TAFA1: variants seen among roughly 807,000 people sequenced by gnomAD.
TAFA1 encodes chemokine-like protein TAFA-1.
In TAFA1, 4 loss-of-function variants were observed where a neutral mutation model predicts 18.5. That is an observed-to-expected ratio of 0.22 (90% confidence interval 0.11 to 0.49). The LOEUF is 0.49. Among genes scored for constraint, TAFA1 ranks in the 20% least tolerant of loss-of-function variants. The pLI, the probability that TAFA1 is intolerant of heterozygous loss-of-function variation, is 0.98. For synonymous variants in TAFA1, 56 were observed against 55.2 expected, an observed-to-expected ratio of 1.01 and a Z score of -0.06; for missense variants, 147 against 169.0, an observed-to-expected ratio of 0.87 and a Z score of 0.72.
At chr3:68,265,716 G>A (rs773997691) in intron 2 of TAFA1, among the ~76,000 whole-genome samples, 3 of 152,112 alleles carry the variant, frequency 2.0e-5, no homozygotes, top group African/African-American at 4.8e-5. Context: ...CAGAACTGGC[G>A]CAAGATACTC....
intron 2 of TAFA1, among the ~76,000 whole-genome samples, chr3:68,161,936 C>T (rs1012828332): frequency 8.5e-5 from 13 of 152,134 alleles, no homozygotes; most frequent in Non-Finnish European, 1.8e-4. Flanking sequence ...TTTTTTGAAA[C>T]ACAGCCATGC....
intron 2 of TAFA1, among the ~76,000 whole-genome samples, chr3:68,133,718 G>A (rs1191271045): frequency 1.3e-5 from 2 of 151,978 alleles, no homozygotes; most frequent in African/African-American, 2.4e-5. Context: ...CATTGATTTT[G>A]TATCCAAACC....
At position 68,011,853 on chromosome 3, in the gene TAFA1, A is replaced by G. The variant is rs141707007; in HGVS notation, c.118+5109A>G. ...AGCTATTGATATTTGATCAGACCCTATAATATCAAAGCCAAATACAGATGC... is the reference window on the plus strand; with the variant it reads ...AGCTATTGATATTTGATCAGACCCTGTAATATCAAAGCCAAATACAGATGC... On this transcript the variant is annotated intron_variant, in intron 2 of 4. Transcript: ENST00000478136. Among the ~76,000 whole-genome samples, 1,291 of 152,338 alleles carry G rather than the reference A, an allele frequency of 8.5e-3. 21 individuals are homozygous for G. Among genetic ancestry groups the G allele is most frequent in the African/African-American group, 0.029 (1,203 of 41,576 alleles).
chr3:68,121,249 ATGTGTGTG>A (rs67968765), intron 2 of TAFA1, among the ~76,000 whole-genome samples: 73,365 of 147,970 alleles, frequency 0.5, 18,806 homozygotes, highest in South Asian at 0.58. Flanking sequence ...ATGTACATTA[ATGTGTGTG>A]TGTGTGTGTG....
At chr3:68,384,989 AC>A (rs2070061081) in intron 2 of TAFA1, among the ~76,000 whole-genome samples, 1 of 151,938 alleles carries the variant, frequency 6.6e-6, no homozygotes, top group African/African-American at 2.4e-5. Context: ...TGAAATCATT[AC>A]TTTTTTTGTT....
At chr3:68,217,776 C>G (rs1409522309) in intron 2 of TAFA1, among the ~76,000 whole-genome samples, 2 of 151,680 alleles carry the variant, frequency 1.3e-5, no homozygotes, top group Non-Finnish European at 2.9e-5. Flanking sequence ...GTTTTTCAAA[C>G]CCTTTATATG....
At chr3:68,087,495 A>T (rs1009790417) in intron 2 of TAFA1, among the ~76,000 whole-genome samples, 2 of 151,776 alleles carry the variant, frequency 1.3e-5, no homozygotes, top group African/African-American at 2.4e-5. Flanking sequence ...TGTCCTCAGG[A>T]TTTTTGTCTT....
intron 3 of TAFA1, among the ~76,000 whole-genome samples, chr3:68,522,839 G>T (rs980204040): frequency 2.6e-5 from 4 of 151,966 alleles, no homozygotes; most frequent in African/African-American, 7.3e-5. Context: ...ACTTTGGGAG[G>T]CTGAGGTGGG....
At chr3:68,390,988 C>A (rs1019798488) in intron 2 of TAFA1, among the ~76,000 whole-genome samples, 2 of 152,098 alleles carry the variant, frequency 1.3e-5, no homozygotes, top group African/African-American at 4.8e-5. Context: ...AGCAAGGGAA[C>A]AAAACTGGAC....
intron 2 of TAFA1, among the ~76,000 whole-genome samples, chr3:68,345,930 TG>T (rs976447261): frequency 2.0e-5 from 3 of 152,138 alleles, no homozygotes; most frequent in African/African-American, 7.2e-5. Flanking sequence ...GAGAGAAGCT[TG>T]TTAACTTACA....
intron 2 of TAFA1, among the ~76,000 whole-genome samples, chr3:68,087,302 A>T (rs2064982076): frequency 6.6e-6 from 1 of 152,174 alleles, no homozygotes; most frequent in Non-Finnish European, 1.5e-5. Context: ...GAAAGAAGAT[A>T]ATTACTATCA....
At chr3:68,112,861 A>G (rs1221063064) in intron 2 of TAFA1, among the ~76,000 whole-genome samples, 2 of 152,200 alleles carry the variant, frequency 1.3e-5, no homozygotes, top group Non-Finnish European at 2.9e-5. Context: ...TATAAAAGAT[A>G]TGGAATGTTC....
intron 2 of TAFA1, among the ~76,000 whole-genome samples, chr3:68,075,094 G>A (rs918841849): frequency 2.6e-5 from 4 of 152,230 alleles, no homozygotes; most frequent in Non-Finnish European, 5.9e-5. Flanking sequence ...GTGGAAAAGT[G>A]TCTGAAACTA....
intron 2 of TAFA1, among the ~76,000 whole-genome samples, chr3:68,186,249 T>C (rs4241394): frequency 0.66 from 100,701 of 151,888 alleles, 34,125 homozygotes; most frequent in South Asian, 0.78. Context: ...TTGAGTTTTG[T>C]TGCCAGGGCA....
chr3:68,133,790 G>A lies in TAFA1; in HGVS notation c.118+127046G>A, dbSNP rs572735898. On this transcript the variant is annotated intron_variant, in intron 2 of 4. Coordinates refer to ENST00000478136, the MANE Select transcript of TAFA1 (RefSeq NM_213609.4). ...AGCTTACTAGATATTAGGGAGCATG[G>A]CAGTCCATGGATGCCAAAGTGGCAG... Among the ~76,000 whole-genome samples the A allele has an allele frequency of 4.6e-5, 7 of 152,124 alleles. No homozygotes were observed. In the East Asian group the frequency reaches 1.4e-3, roughly 29 times the overall value.
intron 2 of TAFA1, among the ~76,000 whole-genome samples, chr3:68,290,117 A>G (rs998569798): frequency 6.6e-6 from 1 of 152,174 alleles, no homozygotes; most frequent in Non-Finnish European, 1.5e-5. Flanking sequence ...TGATGTAACA[A>G]CCCTCTTGAT....
intron 2 of TAFA1, among the ~76,000 whole-genome samples, chr3:68,285,887 A>T (rs2067991469): frequency 3.3e-5 from 5 of 152,190 alleles, no homozygotes; most frequent in Non-Finnish European, 1.5e-5. Flanking sequence ...GCCCAGACTT[A>T]TGAATTAGGA....
intron 2 of TAFA1, among the ~76,000 whole-genome samples, chr3:68,304,813 T>C (rs2068374547): frequency 2.0e-5 from 3 of 152,136 alleles, no homozygotes; most frequent in Admixed American, 6.5e-5. Flanking sequence ...TCACGGAAAA[T>C]GTTGTCCAAG....
intron 3 of TAFA1, among the ~76,000 whole-genome samples, chr3:68,454,877 A>G (rs1389821279): frequency 2.0e-5 from 3 of 152,168 alleles, no homozygotes; most frequent in Non-Finnish European, 2.9e-5. Flanking sequence ...TTGACAAATA[A>G]ATGTATACAG....
Sources: gnomAD v4.1 joint callset for allele counts (sites outside exome capture counted in the v4.1 genomes callset) on GRCh38, gnomAD v4.1.1 for gene constraint, MANE v1.5 for transcripts, NCBI Gene and HGNC (gene_info 2026-07-23, HGNC 2026-07-21) for gene names.